Variants in EIF4E1B observed in about 807,000 individuals in gnomAD.
The protein encoded by EIF4E1B is eukaryotic translation initiation factor 4E family member 1B, also known as eukaryotic translation initiation factor 4E type 1B.
A neutral mutation model predicts 31.3 loss-of-function variants in EIF4E1B; 22 were observed. The ratio of observed to expected loss-of-function variants is 0.70; its 90% CI spans 0.50 to 1.00. The LOEUF (loss-of-function observed/expected upper bound fraction) is 1.00, where lower values mean the gene tolerates loss of function less well. Ranked by LOEUF, EIF4E1B falls within the 50% of genes least tolerant of loss-of-function variation. The pLI is 0.00. For missense variants in EIF4E1B, 290 were observed against 311.6 expected (o/e 0.93, Z 0.52); for synonymous variants, 126 against 120.2 (o/e 1.05, Z -0.31).
chr5:176,644,295 G>A (rs1760652295), intron 5 of EIF4E1B, 81 bp from the exon 6 acceptor site: 1 of 1,425,848 alleles, frequency 7.0e-7, no homozygotes, highest in African/African-American at 1.4e-5. Flanking sequence ...GGTCGGATGA[G>A]GAGTTGGGAG....
intron 1 of EIF4E1B, among the ~76,000 whole-genome samples, chr5:176,635,823 T>C (rs182597115): frequency 1.3e-5 from 2 of 150,718 alleles, no homozygotes; most frequent in African/African-American, 5.0e-5. Context: ...TTTCTTTCTT[T>C]CCTTTTTTTT....
chr5:176,640,042 C>T (rs1374434685), intron 1 of EIF4E1B, among the ~76,000 whole-genome samples: 1 of 152,204 alleles, frequency 6.6e-6, no homozygotes, highest in East Asian at 1.9e-4. Context: ...ATGTCCCCTC[C>T]CTTGAATCTG....
intron 1 of EIF4E1B, among the ~76,000 whole-genome samples, chr5:176,631,407 C>T (rs185557796): frequency 6.6e-6 from 1 of 152,150 alleles, no homozygotes; most frequent in East Asian, 1.9e-4. Flanking sequence ...GAATTATGCC[C>T]AAGAAGCTGT....
At position 176,644,166 on chromosome 5, in the gene EIF4E1B, G is replaced by T. The variant is rs1271443635; in HGVS notation, c.297-210G>T. 85 of 600,460 alleles carry T rather than the reference G, an allele frequency of 1.4e-4. No homozygotes were observed. The East Asian group carries it at 2.3e-3, about 16-fold the overall frequency. The allele number at this position is 600,460 out of a possible 1,614,324, so 37.2% of individuals were successfully genotyped here. A position where few individuals can be genotyped will look rare whatever the true frequency, so the allele number is the denominator to read the frequency against. ...CCAGGGGGTCTAAAACCCTCCCCAG[G>T]GGTTGGCTCAGCCTTCACTGGGAAG... On this transcript the variant is annotated intron_variant, in intron 5 of 8. Coordinates refer to ENST00000318682, the MANE Select transcript of EIF4E1B (RefSeq NM_001099408.2).
chr5:176,633,213 TTTTGTTTG>T (rs145169960), intron 1 of EIF4E1B, among the ~76,000 whole-genome samples: 125 of 150,190 alleles, frequency 8.3e-4, no homozygotes, highest in South Asian at 1.3e-3. Flanking sequence ...CCAGTGTTTT[TTTTGTTTG>T]TTTGTTTGTT....
At chr5:176,631,566 C>T (rs891244571) in intron 1 of EIF4E1B, among the ~76,000 whole-genome samples, 2 of 150,750 alleles carry the variant, frequency 1.3e-5, no homozygotes, top group African/African-American at 4.9e-5. Context: ...GTGGGTACAG[C>T]ATGGGCAAAG....
In EIF4E1B at chr5:176,645,622, C is replaced by G; in HGVS notation, c.614+106C>G. On this transcript the variant is annotated intron_variant, in intron 8 of 8. Coordinates refer to ENST00000318682, the MANE Select transcript of EIF4E1B (RefSeq NM_001099408.2). The surrounding 1 kb of genome is among the most constrained non-coding windows in gnomAD (Gnocchi z 5.4). ...GGAGACCTCTGAAAGTCTCCATAGCCTCCCTCCCTTCTGCCTTGCCCACCT... is the reference window on the plus strand; with the variant it reads ...GGAGACCTCTGAAAGTCTCCATAGCGTCCCTCCCTTCTGCCTTGCCCACCT... 7.1e-7 allele frequency: 1 copy of G among 1,400,304 alleles called. No individual in the cohort carries two copies. The highest frequency in any genetic ancestry group is 9.4e-7 in the Non-Finnish European group (1 of 1,064,226). The allele number at this position is 1,400,304 out of a possible 1,614,324, so 86.7% of individuals were successfully genotyped here.
intron 5 of EIF4E1B, 58 bp from the exon 6 acceptor site, chr5:176,644,318 T>C (rs1393016123): frequency 1.3e-6 from 2 of 1,533,006 alleles, no homozygotes; most frequent in South Asian, 1.2e-5. Context: ...CTGAACCCAG[T>C]TGGAACCAGG....
chr5:176,632,463 C>A (rs925337337), intron 1 of EIF4E1B, among the ~76,000 whole-genome samples: 3 of 152,202 alleles, frequency 2.0e-5, no homozygotes, highest in African/African-American at 7.2e-5. Context: ...ACCATGTTGG[C>A]CAGGCTGGTC....
chr5:176,644,228 A>C, intron 5 of EIF4E1B, 148 bp from the exon 6 acceptor site: 1 of 778,820 alleles, frequency 1.3e-6, no homozygotes, highest in Non-Finnish European at 2.0e-6. Flanking sequence ...AGTTTGGATA[A>C]ACGGGAGTGG....
chr5:176,645,050 C>A lies in EIF4E1B; in HGVS notation c.361-80C>A. 2.3e-6 allele frequency: 3 copies of A among 1,277,468 alleles called. No individual in the cohort carries two copies. The highest frequency in any genetic ancestry group is 1.5e-5 in the African/African-American group (1 of 68,030). 79.1% of individuals were successfully genotyped at this position (1,277,468 alleles called of 1,614,324 possible). On this transcript the variant is annotated intron_variant, in intron 6 of 8. Coordinates refer to ENST00000318682, the MANE Select transcript of EIF4E1B (RefSeq NM_001099408.2). The surrounding 1 kb of genome is among the most constrained non-coding windows in gnomAD (Gnocchi z 5.4). ...GCCTACTTAGGGCCTCAGCAGAGAG[C>A]GGATAAGGCCGGGATGGTGGGTGGG...
Position 176,646,408 on chromosome 5 carries a change from A to T in EIF4E1B, c.*428A>T, listed in dbSNP as rs557406899. On this transcript the variant is annotated 3_prime_UTR_variant, in exon 9 of 9. Coordinates refer to ENST00000318682, the MANE Select transcript of EIF4E1B (RefSeq NM_001099408.2). ...AGGGTGAACGCCATCATTTGTACAG[A>T]GGGATACGTGGGTTGCTGAGGACTG... 47 of 170,878 alleles carry T rather than the reference A, an allele frequency of 2.8e-4. No homozygotes were observed. The highest frequency in any genetic ancestry group is 4.3e-4 in the Non-Finnish European group (34 of 78,328). 10.6% of individuals were successfully genotyped at this position (170,878 alleles called of 1,614,324 possible).
chr5:176,642,587 T>A, intron 2 of EIF4E1B, 123 bp from the exon 3 acceptor site: 1 of 752,348 alleles, frequency 1.3e-6, no homozygotes, highest in Non-Finnish European at 2.1e-6. Context: ...CCCACGGCCA[T>A]GTCAGTGTCT....
chr5:176,643,123 G>A lies in EIF4E1B; in HGVS notation c.57G>A (p.Glu19=). The change falls in exon 4 of 9, where the codon GAG becomes GAA. Residue 19 remains glutamate (E), a synonymous_variant. Transcript: ENST00000318682. ...GTGGAATCCGAGAGTGGGAGGAGGAGGAGAAGGAGGAGGAGGCAGCAGAGA... is the reference window on the plus strand; with the variant it reads ...GTGGAATCCGAGAGTGGGAGGAGGAAGAGAAGGAGGAGGAGGCAGCAGAGA... The part of the protein sequence containing the change: ...AEGGIREWEE[E]EKEEEAAERT... 1.2e-6 allele frequency: 2 copies of A among 1,613,734 alleles called. No homozygotes were observed. Among genetic ancestry groups the A allele is most frequent in the South Asian group, 1.1e-5 (1 of 91,064 alleles).
At chr5:176,643,060 C>T (rs1162322358) in intron 3 of EIF4E1B, 22 bp from the exon 4 acceptor site, 1 of 1,592,464 alleles carries the variant, frequency 6.3e-7, no homozygotes, top group African/African-American at 1.3e-5. Context: ...ACAACCCATC[C>T]TGACTCCTTT....
chr5:176,641,957 T>G (rs1360672592), intron 1 of EIF4E1B, 86 bp from the exon 2 acceptor site: 2 of 152,650 alleles, frequency 1.3e-5, no homozygotes, highest in Non-Finnish European at 2.9e-5. Flanking sequence ...AGCCAGGCCT[T>G]GTTCTACGGG....
At chr5:176,632,955 C>T (rs561676558) in intron 1 of EIF4E1B, among the ~76,000 whole-genome samples, 14 of 143,846 alleles carry the variant, frequency 9.7e-5, no homozygotes, top group South Asian at 5.1e-4. Flanking sequence ...AAGCAGAGGG[C>T]GGGGTGGGGG....
In EIF4E1B at chr5:176,643,691, C is replaced by T; in HGVS notation, c.253C>T (p.Leu85=). 6.2e-7 allele frequency: 1 copy of T among 1,613,208 alleles called. No individual in the cohort carries two copies. The highest frequency in any genetic ancestry group is 8.5e-7 in the Non-Finnish European group (1 of 1,179,612). ...CCGCAGCCGGGCCTGGCAGGACAAC[C>T]TGCACCTGGTCACCAAGGTGGACAC... ...NDRSRAWQDN[L]HLVTKVDTVE... The change falls in exon 5 of 9, where the codon CTG becomes TTG. Residue 85 remains leucine (L), a synonymous_variant. Coordinates refer to ENST00000318682, the MANE Select transcript of EIF4E1B (RefSeq NM_001099408.2).
chr5:176,645,149 G>T lies in EIF4E1B; in HGVS notation c.380G>T (p.Trp127Leu). The change falls in exon 7 of 9, where the codon TGG becomes TTG. Residue 127 changes from tryptophan (W) to leucine (L), a missense_variant. Coordinates refer to ENST00000318682, the MANE Select transcript of EIF4E1B (RefSeq NM_001099408.2). This position sits in a 1 kb window ranked among gnomAD's most constrained non-coding sequence, Gnocchi z 5.4. ...ALFKDGIQPMWEDSRNKRGGR... is the reference protein window; with the variant it reads ...ALFKDGIQPMLEDSRNKRGGR... ...TTGCAGGATGGCATCCAGCCCATGT[G>T]GGAGGACAGCAGGAATAAACGGGGT... 1.3e-6 allele frequency: 2 copies of T among 1,568,426 alleles called. No individual in the cohort carries two copies. The highest frequency in any genetic ancestry group is 4.7e-5 in the East Asian group (2 of 42,124).
Sources: gnomAD v4.1 joint callset for allele counts (sites outside exome capture counted in the v4.1 genomes callset) on GRCh38, gnomAD v4.1.1 for gene constraint, Gnocchi (gnomAD v3.1) non-coding constraint, MANE v1.5 for transcripts, NCBI Gene and HGNC (gene_info 2026-07-23, HGNC 2026-07-21) for gene names.